The following ODAD2 variants were observed in gnomAD, a reference collection of about 807,000 sequenced individuals.
ODAD2 encodes outer dynein arm docking complex subunit 2.
A neutral mutation model predicts 106.8 loss-of-function variants in ODAD2; 89 were observed. The observed-to-expected ratio is 0.83, with a 90% CI of 0.70 to 0.99. The LOEUF (loss-of-function observed/expected upper bound fraction) is 0.99. ODAD2 is among the 50% of genes least tolerant of loss of function. The probability of loss-of-function intolerance (pLI) is 0.00; values close to 1 mark genes in which losing one functional copy is unlikely to be tolerated. For missense variants in ODAD2, 1,168 were observed against 1,238.5 expected, an observed-to-expected ratio of 0.94 and a Z score of 0.85; for synonymous variants, 404 against 436.2, an observed-to-expected ratio of 0.93 and a Z score of 0.92.
intron 10 of ODAD2, among the ~76,000 whole-genome samples, chr10:27,959,386 T>A (rs1847961259): frequency 1.3e-5 from 2 of 151,954 alleles, no homozygotes; most frequent in South Asian, 2.1e-4. Context: ...CTTTTTTTCT[T>A]TCCCCCAGAT....
chr10:27,962,349 A>T (rs546760565), intron 9 of ODAD2, among the ~76,000 whole-genome samples: 1 of 152,232 alleles, frequency 6.6e-6, no homozygotes, highest in Non-Finnish European at 1.5e-5. Flanking sequence ...CAAGTGCTCA[A>T]TGGCCCACGT....
chr10:27,937,000 A>C (rs1846030283), intron 14 of ODAD2, 120 bp from the exon 15 acceptor site: 1 of 898,994 alleles, frequency 1.1e-6, no homozygotes, highest in Non-Finnish European at 1.6e-6. Context: ...CATTTTCGAA[A>C]GATGCCTCCA....
rs112562514 is a variant in ODAD2 at position 27,961,427 on chromosome 10, G to T, written c.1386+141C>A. On this transcript the variant is annotated intron_variant, in intron 10 of 19. Coordinates refer to ENST00000305242, the MANE Select transcript of ODAD2 (RefSeq NM_018076.5). ...CCTCAGGGTAATAAGACCTTGCCCT[G>T]CACAAACTTAGATAAAACAACAGGA... 1,319 of 819,360 alleles carry T rather than the reference G, an allele frequency of 1.6e-3. 11 individuals carry two copies. In the African/African-American group the frequency reaches 0.018, roughly 11 times the overall value. 50.8% of individuals were successfully genotyped at this position (819,360 alleles called of 1,614,324 possible). A position where few individuals can be genotyped will look rare whatever the true frequency, so the allele number is the denominator to read the frequency against.
rs58422051 is a variant in ODAD2, at chr10:27,944,710, T to C, written c.1533+106A>G. ...GCAGGTCATCAGCAATAATAGCAGA[T>C]AAAGACAAGAACCAGGCAACGAGGC... On this transcript the variant is annotated intron_variant, in intron 11 of 19. Coordinates refer to ENST00000305242, the MANE Select transcript of ODAD2 (RefSeq NM_018076.5). 5.9e-3 allele frequency: 8,156 copies of C among 1,375,442 alleles called. 98 individuals are homozygous for C. The highest frequency in any genetic ancestry group is 0.047 in the African/African-American group (3,275 of 69,118). 85.2% of individuals were successfully genotyped at this position (1,375,442 alleles called of 1,614,324 possible). A position where few individuals can be genotyped will look rare whatever the true frequency, so the allele number is the denominator to read the frequency against.
intron 19 of ODAD2, among the ~76,000 whole-genome samples, chr10:27,855,598 T>C (rs570785848): frequency 7.3e-4 from 111 of 152,310 alleles, no homozygotes; most frequent in African/African-American, 2.3e-3. Flanking sequence ...GACCTTAGTA[T>C]CTAAAATCCG....
chr10:27,903,016 A>G (rs553482229), intron 17 of ODAD2, among the ~76,000 whole-genome samples: 5 of 152,332 alleles, frequency 3.3e-5, no homozygotes, highest in African/African-American at 7.2e-5. Context: ...TGTCAAGCCA[A>G]TGTCCCTGAT....
intron 17 of ODAD2, among the ~76,000 whole-genome samples, chr10:27,891,179 T>C (rs1216706157): frequency 6.6e-6 from 1 of 152,194 alleles, no homozygotes; most frequent in African/African-American, 2.4e-5. Context: ...AGCTGTGTTC[T>C]GTCACACCTG....
chr10:27,895,838 A>T (rs1473571406), intron 17 of ODAD2, among the ~76,000 whole-genome samples: 1 of 152,154 alleles, frequency 6.6e-6, no homozygotes, highest in African/African-American at 2.4e-5. Context: ...TGAGCACATG[A>T]CCTCTGTCAT....
At chr10:27,965,901 C>A (rs1004379627) in intron 9 of ODAD2, among the ~76,000 whole-genome samples, 2 of 152,198 alleles carry the variant, frequency 1.3e-5, no homozygotes, top group African/African-American at 4.8e-5. Context: ...AACTCACGGG[C>A]AAGGACTAGT....
intron 14 of ODAD2, among the ~76,000 whole-genome samples, chr10:27,937,827 T>C (rs887183875): frequency 7.9e-5 from 12 of 152,196 alleles, no homozygotes; most frequent in Non-Finnish European, 8.8e-5. Context: ...TTAATCCCTA[T>C]TTCTAATCAA....
At chr10:27,850,623 C>A (rs1839188893) in intron 19 of ODAD2, among the ~76,000 whole-genome samples, 1 of 152,024 alleles carries the variant, frequency 6.6e-6, no homozygotes, top group Admixed American at 6.6e-5. Flanking sequence ...CCAGCCCTAA[C>A]TTTCTATAAA....
chr10:27,965,619 C>G (rs1247911094), intron 9 of ODAD2, among the ~76,000 whole-genome samples: 5 of 152,092 alleles, frequency 3.3e-5, no homozygotes, highest in Admixed American at 1.3e-4. Flanking sequence ...CCTGCCACCC[C>G]CTGGAGTAGT....
At chr10:27,837,055 T>A (rs1350106907) in intron 19 of ODAD2, among the ~76,000 whole-genome samples, 2 of 152,072 alleles carry the variant, frequency 1.3e-5, no homozygotes, top group African/African-American at 2.4e-5. Context: ...CGTAGGAGTG[T>A]AACTGAAGAC....
At chr10:27,974,585 A>T (rs1378726034) in intron 7 of ODAD2, among the ~76,000 whole-genome samples, 2 of 151,108 alleles carry the variant, frequency 1.3e-5, no homozygotes, top group Non-Finnish European at 2.9e-5. Context: ...TCATTGGTCT[A>T]TGTGTCTTCT....
At chr10:27,993,974 A>ATATATATGTGTG (rs369833558) in intron 2 of ODAD2, among the ~76,000 whole-genome samples, 7 of 140,544 alleles carry the variant, frequency 5.0e-5, no homozygotes, top group Admixed American at 1.4e-4. Context: ...ATATATATAT[A>ATATATATGTGTG]TGTGTGTGTG....
chr10:27,869,968 T>C (rs115728220), intron 17 of ODAD2, among the ~76,000 whole-genome samples: 2 of 152,192 alleles, frequency 1.3e-5, no homozygotes, highest in African/African-American at 4.8e-5. Context: ...TGTTCTAATA[T>C]TGAGTCAAAA....
intron 19 of ODAD2, among the ~76,000 whole-genome samples, chr10:27,847,405 G>A (rs1031004982): frequency 6.6e-6 from 1 of 152,092 alleles, no homozygotes; most frequent in Non-Finnish European, 1.5e-5. Context: ...AATAAATTAG[G>A]TATCGATGGG....
chr10:27,986,388 A>G (rs1409637607), intron 3 of ODAD2, among the ~76,000 whole-genome samples: 1 of 152,216 alleles, frequency 6.6e-6, no homozygotes, highest in Non-Finnish European at 1.5e-5. Flanking sequence ...TAGCAAATGG[A>G]TAAGTATTCA....
intron 17 of ODAD2, 125 bp downstream of exon 17, chr10:27,907,537 GT>G: frequency 1.7e-6 from 1 of 590,908 alleles, no homozygotes; most frequent in Non-Finnish European, 2.9e-6. Flanking sequence ...CATAAACATT[GT>G]GCAACCCTCT....
Sources: gnomAD v4.1 joint callset for allele counts (sites outside exome capture counted in the v4.1 genomes callset) on GRCh38, gnomAD v4.1.1 for gene constraint, MANE v1.5 for transcripts, NCBI Gene and HGNC (gene_info 2026-07-23, HGNC 2026-07-21) for gene names.